Variants in KANTR observed in about 807,000 individuals in gnomAD.
KANTR encodes the protein KDM5C adjacent transcript.
At chrX:53,095,624 A>G (rs1404811662) in intron 1 of KANTR, among the ~76,000 whole-genome samples, 1 of 110,374 alleles carries the variant, frequency 9.1e-6, no homozygotes, top group African/African-American at 3.3e-5. Flanking sequence ...TATATCGCAC[A>G]TATATATGCA....
At chrX:53,132,733 G>A (rs1323113429) in intron 2 of KANTR, among the ~76,000 whole-genome samples, 1 of 111,330 alleles carries the variant, frequency 9.0e-6, no homozygotes, top group Non-Finnish European at 1.9e-5. Context: ...GGTGTAGTTT[G>A]CAACAGTGGG....
intron 2 of KANTR, among the ~76,000 whole-genome samples, chrX:53,137,769 CAA>C (rs61347731): frequency 4.5e-5 from 4 of 88,306 alleles, no homozygotes; most frequent in Non-Finnish European, 4.6e-5. Context: ...AACTCCATCT[CAA>C]AAAAAAAAAA....
intron 2 of KANTR, among the ~76,000 whole-genome samples, chrX:53,122,203 C>A (rs1265874134): frequency 9.0e-6 from 1 of 111,719 alleles, no homozygotes; most frequent in Non-Finnish European, 1.9e-5. Flanking sequence ...CTCCTGTGTC[C>A]CTTTCACATG....
At chrX:53,143,668 A>G, downstream of KANTR, 5 of 734,584 alleles carry the variant, frequency 6.8e-6, no homozygotes, top group South Asian at 1.0e-4. Flanking sequence ...GATCTTCTCC[A>G]TGTCATCCCA....
chrX:53,142,963 A>G, downstream of KANTR: 1 of 937,219 alleles, frequency 1.1e-6, no homozygotes, highest in Non-Finnish European at 1.5e-6. Context: ...GATGAACTTG[A>G]TCTTCATGGT....
At chrX:53,117,166 C>A (rs1225269883) in intron 2 of KANTR, among the ~76,000 whole-genome samples, 1 of 99,456 alleles carries the variant, frequency 1.0e-5, no homozygotes, top group African/African-American at 3.6e-5. Context: ...CCTGTAATCC[C>A]AGCTACTTGG....
intron 1 of KANTR, among the ~76,000 whole-genome samples, chrX:53,096,684 G>A (rs1243003423): frequency 9.1e-6 from 1 of 109,461 alleles, no homozygotes; most frequent in Non-Finnish European, 1.9e-5. Flanking sequence ...AAATTAGCCG[G>A]GTGTTGTGGT....
chrX:53,118,427 A>G (rs145877189), intron 2 of KANTR, among the ~76,000 whole-genome samples: 1,150 of 111,713 alleles, frequency 0.01, 15 homozygotes, highest in African/African-American at 0.036. Context: ...CCTTAGCCAC[A>G]TGTTTCCTCT....
exon 3 of KANTR, chrX:53,127,088 T>C (rs1933299001): frequency 8.9e-6 from 1 of 112,176 alleles, no homozygotes; most frequent in African/African-American, 3.2e-5. Flanking sequence ...CTTGTTCTTC[T>C]CACTGCCTGA....
At position 53,141,289 on chromosome X, in the gene KANTR, G is replaced by GT. The variant is rs1933498552; in HGVS notation, n.204-558dup. Among the ~76,000 whole-genome samples, 4 of 112,379 alleles carry GT rather than the reference G, an allele frequency of 3.6e-5. No homozygotes were observed. The South Asian group carries it at 1.5e-3, about 42-fold the overall frequency. ...TGGCTCCTACTACCAGAGAGGGGCT[G>GT]TGTGGGGGCTGCAGTATACAGCACT... On this transcript the variant is annotated intron_variant and non_coding_transcript_variant, in intron 2 of 2. Coordinates refer to the KANTR transcript ENST00000366185.
chrX:53,128,708 A>G (rs189676869), downstream of KANTR, among the ~76,000 whole-genome samples: 532 of 110,856 alleles, frequency 4.8e-3, 4 homozygotes, highest in Non-Finnish European at 6.9e-3. Flanking sequence ...TTATTTTTAA[A>G]TTTTTACTAT....
chrX:53,132,319 C>G (rs1242819450), downstream of KANTR, among the ~76,000 whole-genome samples: 1 of 111,501 alleles, frequency 9.0e-6, no homozygotes, highest in Non-Finnish European at 1.9e-5. Context: ...GTTCAGCTTT[C>G]CCACAGGATT....
At chrX:53,131,712 G>A (rs1009453681), downstream of KANTR, among the ~76,000 whole-genome samples, 2 of 111,857 alleles carry the variant, frequency 1.8e-5, no homozygotes, top group African/African-American at 3.2e-5. Flanking sequence ...CACAAGATCA[G>A]AAATCAAACA....
intron 2 of KANTR, among the ~76,000 whole-genome samples, chrX:53,107,885 CTTTTTCTT>C (rs1556813060): frequency 9.2e-6 from 1 of 108,238 alleles, no homozygotes; most frequent in African/African-American, 3.5e-5. Context: ...CCTAGCTGGA[CTTTTTCTT>C]TTTTTCTTTT....
At chrX:53,105,585 G>A (rs371698957) in intron 2 of KANTR, among the ~76,000 whole-genome samples, 3 of 108,297 alleles carry the variant, frequency 2.8e-5, no homozygotes, top group South Asian at 8.0e-4. Flanking sequence ...TGCCTCCTGG[G>A]TTCAAGCAAT....
chrX:53,110,876 T>C (rs997932738), intron 2 of KANTR, among the ~76,000 whole-genome samples: 1 of 107,939 alleles, frequency 9.3e-6, no homozygotes, highest in African/African-American at 3.4e-5. Flanking sequence ...TGAGCCGAGA[T>C]TGCGCCACTG....
At chrX:53,147,806 A>C (rs1933598162) in intron 3 of KANTR, among the ~76,000 whole-genome samples, 1 of 111,946 alleles carries the variant, frequency 8.9e-6, no homozygotes, top group Non-Finnish European at 1.9e-5. Context: ...ACTCAGGATT[A>C]AGAAACTCAC....
At chrX:53,104,527 C>T (rs924435893) in intron 2 of KANTR, among the ~76,000 whole-genome samples, 5 of 110,966 alleles carry the variant, frequency 4.5e-5, no homozygotes, top group Non-Finnish European at 9.4e-5. Flanking sequence ...CCCCGACCCC[C>T]ACCAAAGAAG....
At chrX:53,117,146 A>C (rs1933136270) in intron 2 of KANTR, among the ~76,000 whole-genome samples, 1 of 110,542 alleles carries the variant, frequency 9.0e-6, no homozygotes, top group African/African-American at 3.3e-5. Flanking sequence ...GCTGGGTGTG[A>C]CGGCATGTGC....
Sources: gnomAD v4.1 joint callset for allele counts (sites outside exome capture counted in the v4.1 genomes callset) on GRCh38, gnomAD v4.1.1 for gene constraint, MANE v1.5 for transcripts, NCBI Gene and HGNC (gene_info 2026-07-23, HGNC 2026-07-21) for gene names.